The following CD40LG variants were observed in gnomAD, a reference collection of about 807,000 sequenced individuals.
CD40LG encodes the protein CD40 ligand, also known as CD40 antigen ligand.
CD40LG carries 1 observed loss-of-function variant against 17.2 expected under a neutral mutation model. That is an observed-to-expected ratio of 0.06 (90% CI 0.02 to 0.28). The LOEUF is 0.28. Among genes scored for constraint, CD40LG ranks in the 10% least tolerant of loss-of-function variants. The probability of loss-of-function intolerance (pLI) is 1.00; values close to 1 mark genes in which losing one functional copy is unlikely to be tolerated. For missense variants in CD40LG, 133 were observed against 193.2 expected, an observed-to-expected ratio of 0.69 and a Z score of 1.85; for synonymous variants, 66 against 74.4, an observed-to-expected ratio of 0.89 and a Z score of 0.58.
At chrX:136,655,178 A>G (rs2073239118) in intron 3 of CD40LG, among the ~76,000 whole-genome samples, 1 of 111,585 alleles carries the variant, frequency 9.0e-6, no homozygotes, top group Admixed American at 9.5e-5. Flanking sequence ...CCTAGTAAAC[A>G]AAGTATAATT....
At chrX:136,658,105 T>A in intron 4 of CD40LG, among the ~76,000 whole-genome samples, 1 of 111,970 alleles carries the variant, frequency 8.9e-6, no homozygotes, top group Admixed American at 9.5e-5. Context: ...TCAGGATGCC[T>A]CCCTATTAGT....
At chrX:136,654,248 T>C in intron 2 of CD40LG, 125 bp from the exon 3 acceptor site, 1 of 555,430 alleles carries the variant, frequency 1.8e-6, no homozygotes, top group Non-Finnish European at 3.2e-6. Context: ...AGGATCTGAG[T>C]CTATATGATA....
chrX:136,652,304 G>A (rs1338288441), intron 2 of CD40LG, among the ~76,000 whole-genome samples: 3 of 111,127 alleles, frequency 2.7e-5, no homozygotes, highest in Non-Finnish European at 5.7e-5. Context: ...TTTCCAATAC[G>A]CTTTCCCCCA....
At chrX:136,656,124 G>A (rs963584377) in intron 3 of CD40LG, among the ~76,000 whole-genome samples, 1 of 112,142 alleles carries the variant, frequency 8.9e-6, no homozygotes, top group African/African-American at 3.2e-5. Context: ...AAATGGAATC[G>A]AGTATTGATC....
chrX:136,654,409 A>C lies in CD40LG; in HGVS notation c.325A>C (p.Asn109His), dbSNP rs1172219534. 1 of 1,197,805 alleles carries C rather than the reference A, an allele frequency of 8.3e-7. No individual in the cohort carries two copies. The highest frequency in any genetic ancestry group is 1.1e-6 in the Non-Finnish European group (1 of 883,899). The part of the protein sequence containing the change: ...MLNKEETKKE[N>H]SFEMQKGDQN... ...AAACAAAGAGGAGACGAAGAAAGAA[A>C]ACAGCTTTGAAATGCAAAAAGGTAG... The change falls in exon 3 of 5, where the codon AAC becomes CAC. Residue 109 changes from asparagine to histidine, a missense_variant. Physicochemically the swap from Asn to His is moderately conservative, Grantham distance 68. Coordinates refer to ENST00000370629, the MANE Select transcript of CD40LG (RefSeq NM_000074.3).
At chrX:136,658,887 C>A in intron 4 of CD40LG, 152 bp from the exon 5 acceptor site, 1 of 597,062 alleles carries the variant, frequency 1.7e-6, no homozygotes, top group South Asian at 2.6e-5. Flanking sequence ...TAGATTGGAA[C>A]ATGGCTCTGT....
At chrX:136,658,610 G>A (rs939542016) in intron 4 of CD40LG, among the ~76,000 whole-genome samples, 3 of 111,651 alleles carry the variant, frequency 2.7e-5, no homozygotes, top group African/African-American at 9.8e-5. Flanking sequence ...GGCAAGCAAG[G>A]TATTCATGGT....
At chrX:136,651,269 G>T (rs1048429655) in intron 2 of CD40LG, among the ~76,000 whole-genome samples, 1 of 111,242 alleles carries the variant, frequency 9.0e-6, no homozygotes, top group Non-Finnish European at 1.9e-5. Context: ...CTCACTTAGG[G>T]GTCATTTCTA....
At chrX:136,657,467 G>A (rs1433521803) in intron 4 of CD40LG, among the ~76,000 whole-genome samples, 1 of 111,500 alleles carries the variant, frequency 9.0e-6, no homozygotes, top group African/African-American at 3.3e-5. Flanking sequence ...TTTACAGGGT[G>A]GCTTTGAGCA....
In CD40LG at chrX:136,654,403, A is replaced by G. The variant is rs1257414276; in HGVS notation, c.319A>G (p.Lys107Glu). 1.7e-6 allele frequency: 2 copies of G among 1,201,543 alleles called. No homozygotes were observed. The highest frequency in any genetic ancestry group is 1.7e-5 in the African/African-American group (1 of 57,180). ...AATGTTAAACAAAGAGGAGACGAAG[A>G]AAGAAAACAGCTTTGAAATGCAAAA... ...DIMLNKEETK[K>E]ENSFEMQKGD... Residue 107 changes from lysine (K) to glutamate (E), a missense_variant, in exon 3 of 5, where the codon AAA becomes GAA. By Grantham distance (56) the Lys-to-Glu change is moderately conservative (BLOSUM62 1). Transcript: ENST00000370629.
chrX:136,650,244 T>C (rs2076100225), intron 1 of CD40LG, 22 bp from the exon 2 acceptor site: 2 of 1,141,077 alleles, frequency 1.8e-6, no homozygotes, highest in African/African-American at 3.6e-5. Flanking sequence ...ACATTTATCA[T>C]ATCCTTGTTA....
At chrX:136,658,052 T>C (rs1188967724) in intron 4 of CD40LG, among the ~76,000 whole-genome samples, 1 of 112,025 alleles carries the variant, frequency 8.9e-6, no homozygotes, top group Non-Finnish European at 1.9e-5. Context: ...TAATGAAGCA[T>C]TGTTTCTGGA....
chrX:136,660,282 G>A lies in CD40LG; in HGVS notation c.*867G>A, dbSNP rs2076132807. ...GCCCACTCCTCATTACGAAATGACT[G>A]TATTTAAAGGAAATCTATTGTATCT... On this transcript the variant is annotated 3_prime_UTR_variant, in exon 5 of 5. Coordinates refer to ENST00000370629, the MANE Select transcript of CD40LG (RefSeq NM_000074.3). The A allele has an allele frequency of 9.0e-6, 1 of 110,880 alleles. No homozygotes were observed. The highest frequency in any genetic ancestry group is 3.3e-5 in the African/African-American group (1 of 30,475). 9.1% of individuals were successfully genotyped at this position (110,880 alleles called of 1,213,427 possible). A position where few individuals can be genotyped will look rare whatever the true frequency, so the allele number is the denominator to read the frequency against.
At chrX:136,652,494 T>C (rs2076106869) in intron 2 of CD40LG, among the ~76,000 whole-genome samples, 1 of 111,466 alleles carries the variant, frequency 9.0e-6, no homozygotes, top group South Asian at 3.8e-4. Flanking sequence ...AATCAGGTCT[T>C]GATGGGGTCT....
rs1477466218 is a variant in CD40LG, at chrX:136,659,399, G to A, written c.770G>A (p.Gly257Asp). 1 of 1,210,458 alleles carries A rather than the reference G, an allele frequency of 8.3e-7. No individual in the cohort carries two copies. Among genetic ancestry groups the A allele is most frequent in the Non-Finnish European group, 1.1e-6 (1 of 895,418 alleles). Residue 257 changes from glycine to aspartate, a missense_variant, in exon 5 of 5, where the codon GGC becomes GAC. Transcript: ENST00000370629. ...VSHGTGFTSF[G>D]LLKL Reference sequence around the variant, plus strand: ...CATGGCACTGGCTTCACGTCCTTTGGCTTACTCAAACTCTGAACAGTGTCA... The same window carrying A: ...CATGGCACTGGCTTCACGTCCTTTGACTTACTCAAACTCTGAACAGTGTCA...
rs752876443 is a variant in CD40LG, at chrX:136,659,320, T to C, written c.691T>C (p.Leu231=). ...CATTCACTTGGGAGGAGTATTTGAA[T>C]TGCAACCAGGTGCTTCGGTGTTTGT... The part of the protein sequence containing the change: ...QSIHLGGVFE[L]QPGASVFVNV... The change falls in exon 5 of 5, where the codon TTG becomes CTG. Residue 231 remains leucine, a synonymous_variant. Transcript: ENST00000370629. 1.3e-5 allele frequency: 16 copies of C among 1,209,426 alleles called. No homozygotes were observed. The highest frequency in any genetic ancestry group is 1.7e-5 in the African/African-American group (1 of 57,243).
Position 136,654,470 on chromosome X carries a change from A to G in CD40LG, c.346+40A>G. 5 of 987,352 alleles carry G rather than the reference A, an allele frequency of 5.1e-6. No homozygotes were observed. The East Asian group carries it at 1.2e-4, about 24-fold the overall frequency. 81.4% of individuals were successfully genotyped at this position (987,352 alleles called of 1,213,427 possible). A position where few individuals can be genotyped will look rare whatever the true frequency, so the allele number is the denominator to read the frequency against. On this transcript the variant is annotated intron_variant, in intron 3 of 4. Transcript: ENST00000370629. The stretch of plus-strand genomic sequence containing the variant: ...TGCTAATTTCTATGAATGCCTAAAA[A>G]CTAAAAGGAAGCTTTAGGCTGATCA...
chrX:136,652,046 GCCTC>G (rs2076105289), intron 2 of CD40LG, among the ~76,000 whole-genome samples: 1 of 111,091 alleles, frequency 9.0e-6, no homozygotes, highest in Middle Eastern at 4.6e-3. Context: ...AGTCAGTTTG[GCCTC>G]CCTGCTTATG....
At chrX:136,655,080 T>C (rs1419258912) in intron 3 of CD40LG, among the ~76,000 whole-genome samples, 1 of 111,651 alleles carries the variant, frequency 9.0e-6, no homozygotes, top group African/African-American at 3.3e-5. Flanking sequence ...CCAAGATTAC[T>C]ATACTACTCC....
Sources: allele counts gnomAD v4.1 joint callset (sites outside exome capture counted in the v4.1 genomes callset), GRCh38; gene constraint gnomAD v4.1.1; transcripts MANE v1.5; gene names NCBI Gene and HGNC (gene_info 2026-07-23, HGNC 2026-07-21).